CAMK4: variants seen among roughly 807,000 people sequenced by gnomAD.
CAMK4 encodes the protein calcium/calmodulin-dependent protein kinase type IV.
Under a neutral mutation model 44.9 loss-of-function variants are expected in CAMK4, and 22 were observed. The ratio of observed to expected loss-of-function variants is 0.49; its 90% CI spans 0.35 to 0.70. The LOEUF (loss-of-function observed/expected upper bound fraction) is 0.70. Among genes scored for constraint, CAMK4 ranks in the 30% least tolerant of loss-of-function variants. CAMK4 has a pLI of 0.01. For missense variants in CAMK4, 498 were observed against 586.8 expected, an observed-to-expected ratio of 0.85 and a Z score of 1.56; for synonymous variants, 218 against 215.4, an observed-to-expected ratio of 1.01 and a Z score of -0.11.
intron 8 of CAMK4, among the ~76,000 whole-genome samples, chr5:111,476,575 C>T (rs1232815432): frequency 1.3e-5 from 2 of 151,872 alleles, no homozygotes; most frequent in African/African-American, 2.4e-5. Flanking sequence ...CCGCGCATGG[C>T]CCACTCTTTC....
intron 1 of CAMK4, among the ~76,000 whole-genome samples, chr5:111,259,235 C>G (rs1029842678): frequency 5.3e-5 from 8 of 152,204 alleles, no homozygotes; most frequent in Non-Finnish European, 1.2e-4. Flanking sequence ...TCTCTCACTC[C>G]CATACCTTGG....
chr5:111,349,304 A>G (rs1310301781), intron 2 of CAMK4, among the ~76,000 whole-genome samples: 1 of 152,024 alleles, frequency 6.6e-6, no homozygotes, highest in Non-Finnish European at 1.5e-5. Flanking sequence ...GTAAAGCATG[A>G]ATCAAGGGTG....
At chr5:111,225,145 T>G (rs1748124730) in intron 1 of CAMK4, among the ~76,000 whole-genome samples, 1 of 152,218 alleles carries the variant, frequency 6.6e-6, no homozygotes. Context: ...CTGCAGAGTC[T>G]GCTCAGGAGT....
intron 5 of CAMK4, among the ~76,000 whole-genome samples, chr5:111,421,098 G>A (rs1753015447): frequency 6.6e-6 from 1 of 152,170 alleles, no homozygotes. Context: ...AATTATAAAA[G>A]TATTAATTTG....
intron 1 of CAMK4, among the ~76,000 whole-genome samples, chr5:111,241,125 CTTT>C (rs34428589): frequency 1.4e-5 from 2 of 142,770 alleles, no homozygotes; most frequent in Non-Finnish European, 1.5e-5. Flanking sequence ...ATAATTATGA[CTTT>C]TTTTTTTTTT....
intron 2 of CAMK4, among the ~76,000 whole-genome samples, chr5:111,347,289 T>TG (rs1206078234): frequency 6.6e-6 from 1 of 152,004 alleles, no homozygotes. Flanking sequence ...GAGGTCTACA[T>TG]GACAGTGGTT....
chr5:111,411,128 A>T (rs1464474169), intron 5 of CAMK4, among the ~76,000 whole-genome samples: 1 of 152,182 alleles, frequency 6.6e-6, no homozygotes, highest in African/African-American at 2.4e-5. Context: ...GTAAAGATGG[A>T]TCCTAAGGCA....
At chr5:111,370,724 G>A (rs1469516391) in intron 2 of CAMK4, among the ~76,000 whole-genome samples, 1 of 152,052 alleles carries the variant, frequency 6.6e-6, no homozygotes, top group Non-Finnish European at 1.5e-5. Context: ...AGACCATCCT[G>A]GCCAACATGA....
At position 111,482,871 on chromosome 5, in the gene CAMK4, C is replaced by T. The variant is rs1755481341; in HGVS notation, c.915C>T (p.Ala305=). The part of the protein sequence containing the change: ...LQHPWVTGKA[A]NFVHMDTAQK... Reference sequence around the variant, plus strand: ...ATCCGTGGGTCACAGGTAAAGCAGCCAATTTTGTACACATGGATACCGCTC... The same window carrying T: ...ATCCGTGGGTCACAGGTAAAGCAGCTAATTTTGTACACATGGATACCGCTC... Residue 305 remains alanine (A), a synonymous_variant, in exon 10 of 11, where the codon GCC becomes GCT. Transcript: ENST00000282356. The surrounding 1 kb of genome is among the most constrained non-coding windows in gnomAD (Gnocchi z 4.9). The T allele has an allele frequency of 1.9e-6, 3 of 1,613,382 alleles. No homozygotes were observed. The Admixed American group carries it at 5.0e-5, about 27-fold the overall frequency.
intron 1 of CAMK4, among the ~76,000 whole-genome samples, chr5:111,240,323 A>T (rs555429374): frequency 1.4e-4 from 22 of 152,046 alleles, no homozygotes; most frequent in Admixed American, 1.2e-3. Context: ...AAAAAAACCC[A>T]TAAGTAGTAA....
chr5:111,424,843 A>G (rs980751318), intron 5 of CAMK4, among the ~76,000 whole-genome samples: 1 of 152,002 alleles, frequency 6.6e-6, no homozygotes. Flanking sequence ...AAATTGGTCA[A>G]TATCTGGAAT....
intron 1 of CAMK4, among the ~76,000 whole-genome samples, chr5:111,335,148 G>C (rs979354644): frequency 4.6e-5 from 7 of 151,518 alleles, no homozygotes; most frequent in African/African-American, 1.7e-4. Flanking sequence ...GTACATTGTA[G>C]ACTTGATGGC....
intron 1 of CAMK4, among the ~76,000 whole-genome samples, chr5:111,270,805 T>C (rs1342074883): frequency 6.6e-6 from 1 of 152,236 alleles, no homozygotes; most frequent in East Asian, 1.9e-4. Context: ...GTAGTAATTA[T>C]CTAATATTTG....
chr5:111,343,140 C>T (rs937292425), intron 1 of CAMK4, among the ~76,000 whole-genome samples: 4 of 151,680 alleles, frequency 2.6e-5, no homozygotes, highest in African/African-American at 4.8e-5. Flanking sequence ...TTTGCATTTA[C>T]AACACACCAG....
intron 1 of CAMK4, among the ~76,000 whole-genome samples, chr5:111,278,842 A>G (rs1022789130): frequency 1.3e-5 from 2 of 152,236 alleles, no homozygotes; most frequent in African/African-American, 2.4e-5. Context: ...CAGTGATAAC[A>G]AGACTTTTTA....
intron 4 of CAMK4, among the ~76,000 whole-genome samples, chr5:111,388,098 C>A (rs1375948933): frequency 6.6e-6 from 1 of 152,102 alleles, no homozygotes; most frequent in East Asian, 1.9e-4. Context: ...CATCTGGGAA[C>A]AAAGCTCCTT....
intron 2 of CAMK4, among the ~76,000 whole-genome samples, chr5:111,350,478 T>A (rs1750050636): frequency 6.6e-6 from 1 of 152,160 alleles, no homozygotes; most frequent in East Asian, 1.9e-4. Context: ...TAAAATGTAA[T>A]GTGGCACACA....
chr5:111,290,846 A>C lies in CAMK4; in HGVS notation c.162-53178A>C, dbSNP rs1747222930. On this transcript the variant is annotated intron_variant, in intron 1 of 10. Coordinates refer to ENST00000282356, the MANE Select transcript of CAMK4 (RefSeq NM_001744.6). The surrounding 1 kb of genome is among the most constrained non-coding windows in gnomAD (Gnocchi z 4.5). Reference sequence around the variant, plus strand: ...ACACGTCTCTTGGAGGTTTATTTAAAAGTGAATATGTAAAACGTATGGAAC... The same window carrying C: ...ACACGTCTCTTGGAGGTTTATTTAACAGTGAATATGTAAAACGTATGGAAC... Among the ~76,000 whole-genome samples the C allele has an allele frequency of 6.6e-6, 1 of 152,224 alleles. No homozygotes were observed. Among genetic ancestry groups the C allele is most frequent in the Non-Finnish European group, 1.5e-5 (1 of 68,034 alleles).
chr5:111,295,585 T>C lies in CAMK4; in HGVS notation c.162-48439T>C, dbSNP rs1747448543. Among the ~76,000 whole-genome samples the C allele has an allele frequency of 2.0e-5, 3 of 152,206 alleles. No homozygotes were observed. In the South Asian group the frequency reaches 6.2e-4, roughly 31 times the overall value. ...TAAAAGCTCTCTCTAATAAGACAAA[T>C]GTGTTTTAGGGAAAAGCTATAATGG... On this transcript the variant is annotated intron_variant, in intron 1 of 10. Coordinates refer to ENST00000282356, the MANE Select transcript of CAMK4 (RefSeq NM_001744.6).
Sources: gnomAD v4.1 joint callset for allele counts (sites outside exome capture counted in the v4.1 genomes callset) on GRCh38, gnomAD v4.1.1 for gene constraint, Gnocchi (gnomAD v3.1) non-coding constraint, MANE v1.5 for transcripts, NCBI Gene and HGNC (gene_info 2026-07-23, HGNC 2026-07-21) for gene names.